Variants in NDC80 observed in about 807,000 individuals in gnomAD.
The protein encoded by NDC80 is kinetochore protein NDC80 homolog.
NDC80 carries 69 observed loss-of-function variants against 89.3 expected under a neutral mutation model. The observed-to-expected ratio is 0.77, with a 90% confidence interval of 0.64 to 0.94. The LOEUF (loss-of-function observed/expected upper bound fraction) is 0.94, where lower values mean the gene tolerates loss of function less well. NDC80 is among the 40% of genes least tolerant of loss of function. The pLI, the probability that NDC80 is intolerant of heterozygous loss-of-function variation, is 0.00. For synonymous variants in NDC80, 243 were observed against 255.6 expected (o/e 0.95, Z 0.47); for missense variants, 593 against 739.6 (o/e 0.80, Z 2.30).
intron 15 of NDC80, among the ~76,000 whole-genome samples, chr18:2,610,270 A>G (rs188741451): frequency 2.0e-5 from 3 of 152,376 alleles, no homozygotes; most frequent in Admixed American, 2.0e-4. Flanking sequence ...AAATAACTGA[A>G]AAATTTTCTA....
At position 2,572,890 on chromosome 18, in the gene NDC80, C is replaced by T. The variant is rs564967242; in HGVS notation, c.-9-87C>T. On this transcript the variant is annotated intron_variant, in intron 1 of 16. Transcript: ENST00000261597. ...ATCTTGAAGAAACAATGAAACCTGA[C>T]TGTCTTTCTGTTTAAGGATAAATAG... The T allele has an allele frequency of 6.6e-6, 6 of 907,154 alleles. No individual in the cohort carries two copies. The African/African-American group carries it at 8.3e-5, about 13-fold the overall frequency. The allele number at this position is 907,154 out of a possible 1,614,324, so 56.2% of individuals were successfully genotyped here.
At chr18:2,587,787 A>C in intron 7 of NDC80, 43 bp from the exon 8 acceptor site, 14 of 1,483,998 alleles carry the variant, frequency 9.4e-6, no homozygotes, top group Non-Finnish European at 1.3e-5. Flanking sequence ...CAGACCAAAT[A>C]GAGAATCATA....
At chr18:2,587,727 TCTGA>T (rs2072609087) in intron 7 of NDC80, 99 bp from the exon 8 acceptor site, 3 of 888,786 alleles carry the variant, frequency 3.4e-6, no homozygotes, top group South Asian at 2.9e-5. Context: ...ACTTAGTATT[TCTGA>T]CTATTTTTTA....
At chr18:2,599,204 T>A (rs879839156) in intron 12 of NDC80, 33 bp downstream of exon 12, 4 of 1,567,260 alleles carry the variant, frequency 2.6e-6, no homozygotes, top group Admixed American at 1.9e-5. Context: ...AAGATTTTTT[T>A]AATTCTGTGA....
rs764300401 is a variant in NDC80, at chr18:2,595,396, T to C, written c.1016-20T>C. 1.0e-5 allele frequency: 16 copies of C among 1,592,952 alleles called. No individual in the cohort carries two copies. In the East Asian group the frequency reaches 3.4e-4, roughly 33 times the overall value. Reference sequence around the variant, plus strand: ...TAGGAATTGAAGATACATTAAAAATTTGGTTTTTTTCCAACACAGAACTAG... The same window carrying C: ...TAGGAATTGAAGATACATTAAAAATCTGGTTTTTTTCCAACACAGAACTAG... On this transcript the variant is annotated intron_variant, in intron 10 of 16. Transcript: ENST00000261597.
intron 13 of NDC80, among the ~76,000 whole-genome samples, chr18:2,601,850 G>A (rs1290581254): frequency 6.6e-6 from 1 of 152,104 alleles, no homozygotes; most frequent in Non-Finnish European, 1.5e-5. Context: ...AGCTGTGATA[G>A]ATTAAGAGGT....
At chr18:2,584,725 C>T (rs992006791) in intron 6 of NDC80, among the ~76,000 whole-genome samples, 1 of 152,134 alleles carries the variant, frequency 6.6e-6, no homozygotes, top group Non-Finnish European at 1.5e-5. Context: ...ATTATTGGCT[C>T]ACCTTTTATG....
intron 8 of NDC80, among the ~76,000 whole-genome samples, chr18:2,588,990 G>C (rs953310637): frequency 3.9e-5 from 6 of 152,060 alleles, no homozygotes; most frequent in Non-Finnish European, 5.9e-5. Context: ...ATGGTGATAA[G>C]CGCTTTGGAG....
chr18:2,595,710 T>A, intron 11 of NDC80, 89 bp downstream of exon 11: 1 of 1,072,880 alleles, frequency 9.3e-7, no homozygotes, highest in Non-Finnish European at 1.4e-6. Context: ...GTGGGTAGAG[T>A]AAATTGGCTT....
chr18:2,600,565 G>A (rs1432759484), intron 12 of NDC80, among the ~76,000 whole-genome samples: 3 of 151,314 alleles, frequency 2.0e-5, no homozygotes. Context: ...CCAGGATCAC[G>A]CCACTGCACT....
Position 2,577,653 on chromosome 18 carries a change from G to A in NDC80, c.180-93G>A, listed in dbSNP as rs965849532. 4.5e-6 allele frequency: 6 copies of A among 1,345,176 alleles called. No individual in the cohort carries two copies. In the South Asian group the frequency reaches 6.5e-5, roughly 15 times the overall value. The allele number at this position is 1,345,176 out of a possible 1,614,324, so 83.3% of individuals were successfully genotyped here. On this transcript the variant is annotated intron_variant, in intron 3 of 16. Transcript: ENST00000261597. ...TAGTTATAAGAACGTAATGTTTGAT[G>A]TTGATGTTAAAATGCAAAACTGCCT...
chr18:2,580,138 CA>C (rs1006461103), intron 6 of NDC80, among the ~76,000 whole-genome samples: 1 of 150,936 alleles, frequency 6.6e-6, no homozygotes, highest in Admixed American at 6.6e-5. Context: ...ACACAACAAG[CA>C]AAAAAAATTG....
In NDC80 at chr18:2,589,206, G is replaced by A; in HGVS notation, c.766G>A (p.Asp256Asn). The A allele has an allele frequency of 6.2e-7, 1 of 1,606,644 alleles. No homozygotes were observed. Among genetic ancestry groups the A allele is most frequent in the Non-Finnish European group, 8.5e-7 (1 of 1,173,676 alleles). ...AAGCTTTTGGATTTTGTCTCCAGAG[G>A]ATTTATTTAATGTGGATGCTTTTAA... is the stretch of plus-strand genomic sequence containing the variant. The part of the protein sequence containing the change: ...MNAELQSKLK[D>N]LFNVDAFKLE... The change falls in exon 9 of 17, where the codon GAT becomes AAT. Residue 256 changes from aspartate (D) to asparagine (N), a missense_variant and splice_region_variant. Physicochemically the swap from Asp to Asn is conservative, Grantham distance 23. Coordinates refer to ENST00000261597, the MANE Select transcript of NDC80 (RefSeq NM_006101.3).
At chr18:2,595,674 G>A (rs1344795191) in intron 11 of NDC80, 53 bp downstream of exon 11, 64 of 1,501,986 alleles carry the variant, frequency 4.3e-5, no homozygotes, top group Non-Finnish European at 5.7e-5. Context: ...CCTTTCTGAA[G>A]GTCTGTCCCA....
chr18:2,614,112 A>G lies in NDC80; in HGVS notation c.1792-2325A>G, dbSNP rs984190937. On this transcript the variant is annotated intron_variant, in intron 16 of 16. Transcript: ENST00000261597. ...GAAATGGGAGTTCTAATTTACTGCT[A>G]GCAACTATGTAAATTGATAAAATAA... Among the ~76,000 whole-genome samples the G allele has an allele frequency of 5.3e-5, 8 of 152,310 alleles. No homozygotes were observed. The East Asian group carries it at 5.8e-4, about 11-fold the overall frequency.
intron 16 of NDC80, among the ~76,000 whole-genome samples, chr18:2,615,721 T>G (rs551204379): frequency 6.6e-6 from 1 of 152,242 alleles, no homozygotes; most frequent in Non-Finnish European, 1.5e-5. Flanking sequence ...TGTTGATATA[T>G]TCATTCTAGA....
chr18:2,576,583 A>G (rs2072547340), intron 3 of NDC80, among the ~76,000 whole-genome samples: 1 of 152,208 alleles, frequency 6.6e-6, no homozygotes, highest in African/African-American at 2.4e-5. Context: ...TCCTTAGACA[A>G]CACTTTGAGA....
chr18:2,589,737 T>G (rs1020744698), intron 9 of NDC80, among the ~76,000 whole-genome samples: 1 of 136,346 alleles, frequency 7.3e-6, no homozygotes, highest in Admixed American at 6.8e-5. Context: ...GTTATCTAAC[T>G]TTATTTTCTG....
chr18:2,608,274 C>A (rs1191676771), intron 14 of NDC80, among the ~76,000 whole-genome samples: 1 of 151,864 alleles, frequency 6.6e-6, no homozygotes, highest in East Asian at 1.9e-4. Context: ...GGCACAGTCT[C>A]AGCTCACTGC....
Sources: allele counts gnomAD v4.1 joint callset (sites outside exome capture counted in the v4.1 genomes callset), GRCh38; gene constraint gnomAD v4.1.1; transcripts MANE v1.5; gene names NCBI Gene and HGNC (gene_info 2026-07-23, HGNC 2026-07-21).